The following GPR55 variants were observed in gnomAD, a reference collection of about 807,000 sequenced individuals.
The protein encoded by GPR55 is G protein-coupled receptor 55, also known as G-protein coupled receptor 55.
In GPR55, 6 loss-of-function variants were observed where a neutral mutation model predicts 7.9. The observed-to-expected ratio is 0.76, with a 90% CI of 0.41 to 1.49. The LOEUF is 1.49. Ranked by LOEUF, GPR55 falls within the 40% of genes most tolerant of loss-of-function variation. The pLI is 0.01. For synonymous variants in GPR55, 183 were observed against 166.8 expected (o/e 1.10, Z -0.75); for missense variants, 376 against 406.0 (o/e 0.93, Z 0.63).
intron 1 of GPR55, among the ~76,000 whole-genome samples, chr2:230,919,137 CAAAAG>C (rs1403120038): frequency 1.3e-5 from 2 of 152,048 alleles, no homozygotes. Context: ...CACGGTATCT[CAAAAG>C]AAATTCCAAA....
chr2:230,938,441 C>T (rs1001621588), intron 1 of GPR55, among the ~76,000 whole-genome samples: 1 of 151,310 alleles, frequency 6.6e-6, no homozygotes, highest in African/African-American at 2.4e-5. Flanking sequence ...TGAGCCATTC[C>T]TACAGAACCT....
chr2:230,943,301 G>C (rs368154911), intron 1 of GPR55, among the ~76,000 whole-genome samples: 2 of 152,114 alleles, frequency 1.3e-5, no homozygotes, highest in Non-Finnish European at 2.9e-5. Context: ...CAGACTGCCC[G>C]AGAGCTTGGC....
intron 1 of GPR55, 142 bp from the exon 2 acceptor site, chr2:230,911,238 G>C (rs766737684): frequency 4.4e-5 from 19 of 435,064 alleles, no homozygotes; most frequent in African/African-American, 3.5e-4. Flanking sequence ...TATAGAACCT[G>C]CTGTGCATGG....
intron 1 of GPR55, among the ~76,000 whole-genome samples, chr2:230,951,846 C>T (rs1691409068): frequency 6.7e-6 from 1 of 150,032 alleles, no homozygotes; most frequent in African/African-American, 2.4e-5. Flanking sequence ...GCAACCTTAA[C>T]ATCCTGGGCT....
upstream of GPR55, among the ~76,000 whole-genome samples, chr2:230,927,900 G>T (rs968259848): frequency 6.6e-6 from 1 of 152,358 alleles, no homozygotes; most frequent in African/African-American, 2.4e-5. Flanking sequence ...CCACCAGGGG[G>T]TTTGCAGGGT....
intron 1 of GPR55, among the ~76,000 whole-genome samples, chr2:230,922,355 G>A (rs372519303): frequency 3.3e-5 from 5 of 152,006 alleles, no homozygotes; most frequent in East Asian, 3.9e-4. Flanking sequence ...CCCCGAGCCC[G>A]GAGCCCTGGC....
intron 1 of GPR55, among the ~76,000 whole-genome samples, chr2:230,912,916 T>C (rs540162083): frequency 2.6e-5 from 4 of 152,384 alleles, no homozygotes; most frequent in Admixed American, 6.5e-5. Flanking sequence ...GCAGCATGGC[T>C]TACAGCTTCT....
At chr2:230,911,510 A>G (rs1490953229) in intron 1 of GPR55, among the ~76,000 whole-genome samples, 1 of 152,132 alleles carries the variant, frequency 6.6e-6, no homozygotes, top group Non-Finnish European at 1.5e-5. Context: ...TTGACACCAG[A>G]GCGTTGCATT....
intron 1 of GPR55, among the ~76,000 whole-genome samples, chr2:230,958,354 A>T (rs571351169): frequency 1.3e-5 from 2 of 152,310 alleles, no homozygotes; most frequent in South Asian, 4.2e-4. Context: ...AGAATGGGGT[A>T]TCCATCCCCC....
upstream of GPR55, among the ~76,000 whole-genome samples, chr2:230,927,407 G>T (rs1690961562): frequency 6.6e-6 from 1 of 152,208 alleles, no homozygotes; most frequent in Admixed American, 6.5e-5. Flanking sequence ...TAAGAGCAAG[G>T]CTAGGCAGGG....
intron 1 of GPR55, among the ~76,000 whole-genome samples, chr2:230,938,302 G>C (rs142108506): frequency 1.3e-5 from 2 of 150,422 alleles, no homozygotes; most frequent in African/African-American, 4.9e-5. Flanking sequence ...GCTTTATATG[G>C]AATCAATTTC....
At chr2:230,914,081 C>T (rs903755090) in intron 1 of GPR55, among the ~76,000 whole-genome samples, 1 of 152,178 alleles carries the variant, frequency 6.6e-6, no homozygotes, top group African/African-American at 2.4e-5. Flanking sequence ...ATGAATCCAC[C>T]GTATTGCTGG....
rs1691176980 is a variant in GPR55 at position 230,939,007 on chromosome 2, C to T, written c.-135+21768G>A. 2.0e-5 allele frequency among the ~76,000 whole-genome samples: 3 copies of T among 152,352 alleles called. No homozygotes were observed. In the South Asian group the frequency reaches 6.2e-4, roughly 32 times the overall value. ...CACCTCGCCGCCTGGGGCATGGAAG[C>T]ATCTAGCACAGAGGGCTCCTGCCGT... On this transcript the variant is annotated intron_variant, in intron 1 of 1. Transcript: ENST00000392039.
chr2:230,948,669 C>A (rs1368429172), intron 1 of GPR55, among the ~76,000 whole-genome samples: 2 of 152,224 alleles, frequency 1.3e-5, no homozygotes, highest in Non-Finnish European at 2.9e-5. Flanking sequence ...CATCATTATC[C>A]TTTTAAACCA....
At chr2:230,957,528 T>C (rs1009121899) in intron 1 of GPR55, 1 of 366,518 alleles carries the variant, frequency 2.7e-6, no homozygotes, top group Admixed American at 3.9e-5. Flanking sequence ...GGGGCGCGGC[T>C]GGCCGGTCTT....
chr2:230,915,999 T>C (rs1327611589), intron 1 of GPR55, among the ~76,000 whole-genome samples: 1 of 151,768 alleles, frequency 6.6e-6, no homozygotes, highest in Admixed American at 6.6e-5. Flanking sequence ...AGCATTGAAT[T>C]GAAAGCAGGA....
upstream of GPR55, among the ~76,000 whole-genome samples, chr2:230,929,307 C>T (rs1690993593): frequency 6.6e-6 from 1 of 152,168 alleles, no homozygotes; most frequent in Non-Finnish European, 1.5e-5. Context: ...GGTGCGTGCC[C>T]CCAAGCCCCC....
At chr2:230,943,248 A>G (rs1691261891) in intron 1 of GPR55, among the ~76,000 whole-genome samples, 1 of 152,130 alleles carries the variant, frequency 6.6e-6, no homozygotes. Context: ...ATCCGGAGCC[A>G]TCCCCTGTTA....
chr2:230,958,452 G>A (rs1483407337), intron 1 of GPR55, among the ~76,000 whole-genome samples: 1 of 149,622 alleles, frequency 6.7e-6, no homozygotes, highest in Non-Finnish European at 1.5e-5. Flanking sequence ...ATTGACTATA[G>A]TCACCCTGTT....
Sources: allele counts gnomAD v4.1 joint callset (sites outside exome capture counted in the v4.1 genomes callset), GRCh38; gene constraint gnomAD v4.1.1; transcripts MANE v1.5; gene names NCBI Gene and HGNC (gene_info 2026-07-23, HGNC 2026-07-21).